Variants in SETDB2 observed in about 807,000 individuals in gnomAD.
The protein encoded by SETDB2 is histone-lysine N-methyltransferase SETDB2.
Under a neutral mutation model 82.5 loss-of-function variants are expected in SETDB2, and 56 were observed. That is an observed-to-expected ratio of 0.68 (90% CI 0.55 to 0.85). SETDB2 has a LOEUF of 0.85. Ranked by LOEUF, SETDB2 falls within the 40% of genes least tolerant of loss-of-function variation. The probability of loss-of-function intolerance (pLI) is 0.00; values close to 1 mark genes in which losing one functional copy is unlikely to be tolerated. For synonymous variants in SETDB2, 272 were observed against 284.9 expected (o/e 0.95, Z 0.46); for missense variants, 677 against 816.4 (o/e 0.83, Z 2.08).
Position 49,493,116 on chromosome 13 carries a change from A to G in SETDB2, c.*1267A>G, listed in dbSNP as rs1958743834. ...TGCCATAGGTTACTTGGCCGTGATCATCTATCTAGTGGAAAAGGGGACTGG... is the reference window on the plus strand; with the variant it reads ...TGCCATAGGTTACTTGGCCGTGATCGTCTATCTAGTGGAAAAGGGGACTGG... On this transcript the variant is annotated 3_prime_UTR_variant, in exon 14 of 14. Coordinates refer to ENST00000611815, the MANE Select transcript of SETDB2 (RefSeq NM_001160308.3). 6.6e-6 allele frequency: 1 copy of G among 152,092 alleles called. No individual in the cohort carries two copies. The highest frequency in any genetic ancestry group is 6.5e-5 in the Admixed American group (1 of 15,276). The allele number at this position is 152,092 out of a possible 1,614,324, so 9.4% of individuals were successfully genotyped here.
chr13:49,468,709 GTAGA>G (rs1314688296), intron 5 of SETDB2, among the ~76,000 whole-genome samples: 2 of 151,848 alleles, frequency 1.3e-5, no homozygotes, highest in Non-Finnish European at 2.9e-5. Context: ...TGTGAGAGTT[GTAGA>G]TAGACACTGT....
chr13:49,482,715 CTCTT>C lies in SETDB2; in HGVS notation c.1157-20_1157-17del, dbSNP rs1958504315. 2 of 1,497,640 alleles carry C rather than the reference CTCTT, an allele frequency of 1.3e-6. No homozygotes were observed. Among genetic ancestry groups the C allele is most frequent in the African/African-American group, 2.8e-5 (2 of 71,766 alleles). The allele number at this position is 1,497,640 out of a possible 1,614,324, so 92.8% of individuals were successfully genotyped here. A position where few individuals can be genotyped will look rare whatever the true frequency, so the allele number is the denominator to read the frequency against. ...GCAATTATCTTCTGTGTTGTTCAAA[CTCTT>C]TAACATTTTCCTTTTAGGAAGATTA... On this transcript the variant is annotated intron_variant, in intron 8 of 13. Coordinates refer to ENST00000611815, the MANE Select transcript of SETDB2 (RefSeq NM_001160308.3).
intron 4 of SETDB2, 73 bp downstream of exon 4, chr13:49,461,235 A>G: frequency 1.0e-6 from 1 of 958,288 alleles, no homozygotes; most frequent in South Asian, 1.7e-5. Flanking sequence ...TAGCTTTAAT[A>G]TGTTGGGCTA....
rs550260862 is a variant in SETDB2, at chr13:49,460,735, G to A, written c.143-362G>A. 1.1e-3 allele frequency among the ~76,000 whole-genome samples: 167 copies of A among 152,148 alleles called. 1 individual carries two copies. Among genetic ancestry groups the A allele is most frequent in the African/African-American group, 3.3e-3 (135 of 41,536 alleles). On this transcript the variant is annotated intron_variant, in intron 3 of 13. Coordinates refer to ENST00000611815, the MANE Select transcript of SETDB2 (RefSeq NM_001160308.3). ...CCTCCTTCAATCCATCAGGACATAC[G>A]GTTTTGAAGCAAATTTTTCTCCAGA...
intron 8 of SETDB2, chr13:49,481,987 C>T: frequency 1.2e-6 from 1 of 862,114 alleles, no homozygotes; most frequent in Non-Finnish European, 1.4e-6. Flanking sequence ...TTGCAGAGTT[C>T]AGAGTAGTCA....
intron 5 of SETDB2, among the ~76,000 whole-genome samples, chr13:49,472,807 T>G (rs1033494867): frequency 1.3e-5 from 2 of 152,172 alleles, no homozygotes; most frequent in African/African-American, 4.8e-5. Context: ...CTCCTCCCAC[T>G]CCTCCCTAAC....
chr13:49,461,472 G>A (rs895907582), intron 4 of SETDB2, among the ~76,000 whole-genome samples: 5 of 152,102 alleles, frequency 3.3e-5, no homozygotes, highest in South Asian at 2.1e-4. Context: ...CTATATATCC[G>A]CTTTCTGTGA....
intron 7 of SETDB2, 119 bp from the exon 8 acceptor site, chr13:49,480,828 C>T: frequency 1.0e-6 from 1 of 980,852 alleles, no homozygotes; most frequent in East Asian, 2.5e-5. Context: ...CCCAGGCACT[C>T]TACCTCTAAG....
In SETDB2 at chr13:49,488,417, G is replaced by T; in HGVS notation, c.1704G>T (p.Leu568Phe). ...PRSRCNQATT[L>F]DNQNIKKAIE... The stretch of plus-strand genomic sequence containing the variant: ...GCAGATGTAACCAGGCGACCACATT[G>T]GATAATCAGAATATTAAAAAGGCAA... The change falls in exon 12 of 14, where the codon TTG becomes TTT. Residue 568 changes from leucine to phenylalanine, a missense_variant. Physicochemically the swap from Leu to Phe is conservative, Grantham distance 22. This residue lies in a region of SETDB2 where 420 missense variants were observed against 554.6 expected (regional missense o/e 0.76). Coordinates refer to ENST00000611815, the MANE Select transcript of SETDB2 (RefSeq NM_001160308.3). 6.2e-7 allele frequency: 1 copy of T among 1,614,034 alleles called. No homozygotes were observed. Among genetic ancestry groups the T allele is most frequent in the Non-Finnish European group, 8.5e-7 (1 of 1,179,980 alleles).
intron 4 of SETDB2, among the ~76,000 whole-genome samples, chr13:49,466,927 A>T (rs752961024): frequency 6.7e-6 from 1 of 149,224 alleles, no homozygotes; most frequent in African/African-American, 2.5e-5. Flanking sequence ...AAGTGATGGG[A>T]TTACAGGGAT....
intron 2 of SETDB2, among the ~76,000 whole-genome samples, chr13:49,458,595 T>G (rs140829401): frequency 6.6e-6 from 1 of 152,224 alleles, no homozygotes; most frequent in Admixed American, 6.5e-5. Flanking sequence ...CCCTTCTTAT[T>G]CTGTATGTTC....
intron 8 of SETDB2, 124 bp downstream of exon 8, chr13:49,481,240 C>A: frequency 1.2e-6 from 1 of 803,828 alleles, no homozygotes; most frequent in African/African-American, 1.7e-5. Context: ...CTAAGAGGAA[C>A]ATCAGAGAAA....
intron 5 of SETDB2, among the ~76,000 whole-genome samples, chr13:49,468,332 C>T (rs967016533): frequency 1.3e-5 from 2 of 152,026 alleles, no homozygotes; most frequent in Non-Finnish European, 2.9e-5. Context: ...TTTCAAAATG[C>T]GTAACAGCTC....
At chr13:49,482,639 G>A (rs949793167) in intron 8 of SETDB2, 98 bp from the exon 9 acceptor site, 1 of 767,902 alleles carries the variant, frequency 1.3e-6, no homozygotes, top group African/African-American at 1.8e-5. Flanking sequence ...ATTGTAGAAT[G>A]TGTGGGTTCT....
At position 49,481,124 on chromosome 13, in the gene SETDB2, A is replaced by C; in HGVS notation, c.1156+8A>C. ...TTGTTTGCATTTATTCAGGTAAAGC[A>C]AAAGTTTATTTTCAAATTATTCTAG... On this transcript the variant is annotated splice_region_variant and intron_variant, in intron 8 of 13. Transcript: ENST00000611815. 5 of 1,606,362 alleles carry C rather than the reference A, an allele frequency of 3.1e-6. No individual in the cohort carries two copies. Among genetic ancestry groups the C allele is most frequent in the Non-Finnish European group, 4.3e-6 (5 of 1,176,372 alleles).
At chr13:49,464,402 C>G (rs1958059673) in intron 4 of SETDB2, among the ~76,000 whole-genome samples, 1 of 152,190 alleles carries the variant, frequency 6.6e-6, no homozygotes. Context: ...TACTATATCT[C>G]ATCTGGACAA....
intron 2 of SETDB2, among the ~76,000 whole-genome samples, chr13:49,454,594 T>C (rs1429359625): frequency 6.6e-6 from 1 of 152,226 alleles, no homozygotes; most frequent in Non-Finnish European, 1.5e-5. Context: ...AAGTTGTTTA[T>C]ACATTTGTAA....
At chr13:49,486,245 A>G (rs140479505) in intron 11 of SETDB2, among the ~76,000 whole-genome samples, 167 of 151,970 alleles carry the variant, frequency 1.1e-3, no homozygotes, top group African/African-American at 3.9e-3. Context: ...TTGAGGTTAC[A>G]GTGAACTATG....
Position 49,492,570 on chromosome 13 carries a change from A to G in SETDB2, c.*721A>G, listed in dbSNP as rs1188563224. 6.6e-6 allele frequency: 1 copy of G among 152,226 alleles called. No individual in the cohort carries two copies. The highest frequency in any genetic ancestry group is 6.5e-5 in the Admixed American group (1 of 15,272). 9.4% of individuals were successfully genotyped at this position (152,226 alleles called of 1,614,324 possible). Reference sequence around the variant, plus strand: ...AGGAACTTGAATATTTTTGTTCTAGATAGAGATACAGTTACTGAAAAGGAA... The same window carrying G: ...AGGAACTTGAATATTTTTGTTCTAGGTAGAGATACAGTTACTGAAAAGGAA... On this transcript the variant is annotated 3_prime_UTR_variant, in exon 14 of 14. Transcript: ENST00000611815.
Sources: gnomAD v4.1 joint callset for allele counts (sites outside exome capture counted in the v4.1 genomes callset) on GRCh38, gnomAD v4.1.1 for gene constraint, gnomAD v4.1.1 regional missense constraint, MANE v1.5 for transcripts, NCBI Gene and HGNC (gene_info 2026-07-23, HGNC 2026-07-21) for gene names.